PCDHGA4: variants seen among roughly 807,000 people sequenced by gnomAD.
PCDHGA4 encodes the protein protocadherin gamma subfamily A, 4.
PCDHGA4 carries 38 observed loss-of-function variants against 54.6 expected under a neutral mutation model. The ratio of observed to expected loss-of-function variants is 0.70; its 90% CI spans 0.54 to 0.91. The LOEUF (loss-of-function observed/expected upper bound fraction) is 0.91, where lower values mean the gene tolerates loss of function less well. PCDHGA4 is among the 40% of genes least tolerant of loss of function. The probability of loss-of-function intolerance (pLI) is 0.00; values close to 1 mark genes in which losing one functional copy is unlikely to be tolerated. For synonymous variants in PCDHGA4, 511 were observed against 512.9 expected, an observed-to-expected ratio of 1.00 and a Z score of 0.05; for missense variants, 1,298 against 1,220.9, an observed-to-expected ratio of 1.06 and a Z score of -0.94.
At chr5:141,484,478 A>G (rs2099596967) in intron 1 of PCDHGA4, among the ~76,000 whole-genome samples, 1 of 152,244 alleles carries the variant, frequency 6.6e-6, no homozygotes, top group Admixed American at 6.5e-5. Context: ...CTTTTCTGCA[A>G]AGAGATGGAT....
chr5:141,421,860 C>T (rs759779291), intron 1 of PCDHGA4: 1 of 1,613,750 alleles, frequency 6.2e-7, no homozygotes. Flanking sequence ...CTCACCTGCT[C>T]CTCCTCACAG....
intron 1 of PCDHGA4, chr5:141,416,916 T>A (rs751743318): frequency 5.5e-4 from 83 of 152,132 alleles, no homozygotes; most frequent in Non-Finnish European, 8.5e-4. Flanking sequence ...CTCTTTAGGG[T>A]CATAGTTATT....
At chr5:141,370,760 G>C (rs773157241) in intron 1 of PCDHGA4, 3 of 1,613,980 alleles carry the variant, frequency 1.9e-6, no homozygotes, top group Non-Finnish European at 8.5e-7. Context: ...TAACTGTGCT[G>C]ATCCAGGATA....
At chr5:141,428,117 G>T in intron 1 of PCDHGA4, 2 of 1,607,102 alleles carry the variant, frequency 1.2e-6, no homozygotes, top group East Asian at 2.2e-5. Context: ...AGGCCATCGA[G>T]CCCGGGCTTT....
rs2099405848 is a variant in PCDHGA4 at position 141,477,120 on chromosome 5, A to G, written c.2515-17687A>G. 2 of 1,614,118 alleles carry G rather than the reference A, an allele frequency of 1.2e-6. No homozygotes were observed. Among genetic ancestry groups the G allele is most frequent in the African/African-American group, 2.7e-5 (2 of 74,942 alleles). On this transcript the variant is annotated intron_variant, in intron 1 of 3. Transcript: ENST00000571252. This position sits in a 1 kb window ranked among gnomAD's most constrained non-coding sequence, Gnocchi z 4.9. ...AAGGGCGCCAATCCCGAAGGAGCAC[A>G]TTGCAAAGTGTTGGTGGAGGTTGTG...
intron 1 of PCDHGA4, chr5:141,408,869 A>G (rs754873472): frequency 1.9e-6 from 3 of 1,613,572 alleles, no homozygotes; most frequent in African/African-American, 2.7e-5. Flanking sequence ...CCCACCAAGA[A>G]GTGCCACCGC....
chr5:141,380,340 TG>T (rs1383873697), intron 1 of PCDHGA4, among the ~76,000 whole-genome samples: 2 of 152,164 alleles, frequency 1.3e-5, no homozygotes, highest in Non-Finnish European at 2.9e-5. Flanking sequence ...TTCAAAGAAC[TG>T]TTTTGTTGTT....
chr5:141,432,766 C>G lies in PCDHGA4; in HGVS notation c.2515-62041C>G. On this transcript the variant is annotated intron_variant, in intron 1 of 3. Transcript: ENST00000571252. This position sits in a 1 kb window ranked among gnomAD's most constrained non-coding sequence, Gnocchi z 6.0. Reference sequence around the variant, plus strand: ...CCGTGGCCGTGGCCGACAGCATCCCCCAAGTCCTGGCGGACCTCGGCAGCC... The same window carrying G: ...CCGTGGCCGTGGCCGACAGCATCCCGCAAGTCCTGGCGGACCTCGGCAGCC... 6.2e-7 allele frequency: 1 copy of G among 1,614,160 alleles called. No individual in the cohort carries two copies. The highest frequency in any genetic ancestry group is 8.5e-7 in the Non-Finnish European group (1 of 1,179,994).
chr5:141,491,571 C>G lies in PCDHGA4; in HGVS notation c.2515-3236C>G. The G allele has an allele frequency of 6.2e-7, 1 of 1,614,026 alleles. No individual in the cohort carries two copies. The highest frequency in any genetic ancestry group is 8.5e-7 in the Non-Finnish European group (1 of 1,180,042). ...CGCAGAGCCACTGCTACAGGACGTG[C>G]TTTTCACCGGCCTCGGACGGCAGTG... On this transcript the variant is annotated intron_variant, in intron 1 of 3. Transcript: ENST00000571252. This position sits in a 1 kb window ranked among gnomAD's most constrained non-coding sequence, Gnocchi z 6.9.
At chr5:141,430,950 TC>T (rs1353555538) in intron 1 of PCDHGA4, 1 of 1,609,980 alleles carries the variant, frequency 6.2e-7, no homozygotes, top group East Asian at 2.2e-5. Flanking sequence ...GAGCGCGGAG[TC>T]CGCATCATCC....
At chr5:141,498,967 GGGAGGGAA>G (rs1395523211) in intron 2 of PCDHGA4, among the ~76,000 whole-genome samples, 34 of 129,670 alleles carry the variant, frequency 2.6e-4, no homozygotes, top group Admixed American at 1.5e-3. Flanking sequence ...GAGGGAGGGA[GGGAGGGAA>G]GGAAGGAAGG....
chr5:141,383,466 T>G (rs1469908164), intron 1 of PCDHGA4: 1 of 1,613,798 alleles, frequency 6.2e-7, no homozygotes, highest in South Asian at 1.1e-5. Context: ...ACGATGAAAC[T>G]AAGTACCCGG....
intron 1 of PCDHGA4, chr5:141,423,925 T>C (rs17097293): frequency 0.23 from 286,429 of 1,244,544 alleles, 36,355 homozygotes; most frequent in African/African-American, 0.51. Flanking sequence ...ACTATGCTGG[T>C]TTGGTTTGAA....
chr5:141,477,502 C>A lies in PCDHGA4; in HGVS notation c.2515-17305C>A, dbSNP rs2099412065. On this transcript the variant is annotated intron_variant, in intron 1 of 3. Coordinates refer to ENST00000571252, the MANE Select transcript of PCDHGA4 (RefSeq NM_018917.4). This position sits in a 1 kb window ranked among gnomAD's most constrained non-coding sequence, Gnocchi z 4.9. ...CTCCACAATCTTCTCAATCTTCCTA[C>A]GACGTTTACATTGAAGAAAACAACC... The A allele has an allele frequency of 9.3e-6, 15 of 1,614,026 alleles. No homozygotes were observed. The highest frequency in any genetic ancestry group is 1.3e-5 in the Non-Finnish European group (15 of 1,180,026).
rs773893751 is a variant in PCDHGA4 at position 141,431,903 on chromosome 5, G to A, written c.2515-62904G>A. 2 of 1,613,916 alleles carry A rather than the reference G, an allele frequency of 1.2e-6. No individual in the cohort carries two copies. Among genetic ancestry groups the A allele is most frequent in the South Asian group, 2.2e-5 (2 of 91,080 alleles). ...CCAAGATTCTGAGGAAAACGGACAG[G>A]TGATCTGTTTCATCCAAGGAAATCT... On this transcript the variant is annotated intron_variant, in intron 1 of 3. Transcript: ENST00000571252. The surrounding 1 kb of genome is among the most constrained non-coding windows in gnomAD (Gnocchi z 4.8).
chr5:141,414,009 TGGA>T (rs2095701451), intron 1 of PCDHGA4: 2 of 1,612,964 alleles, frequency 1.2e-6, no homozygotes, highest in Middle Eastern at 1.7e-4. Context: ...AAGGTGCCAA[TGGA>T]GAAGTGACAT....
At chr5:141,398,293 T>A in intron 1 of PCDHGA4, 1 of 1,383,344 alleles carries the variant, frequency 7.2e-7, no homozygotes, top group Non-Finnish European at 9.9e-7. Flanking sequence ...GGACCTGGGG[T>A]TCAGCGTCCA....
intron 2 of PCDHGA4, among the ~76,000 whole-genome samples, chr5:141,502,828 G>T (rs928458403): frequency 6.6e-6 from 1 of 150,704 alleles, no homozygotes; most frequent in Non-Finnish European, 1.5e-5. Context: ...CCTTGGGGAA[G>T]CCTGGACTGG....
intron 1 of PCDHGA4, among the ~76,000 whole-genome samples, chr5:141,363,897 C>T (rs925245395): frequency 6.6e-6 from 1 of 152,090 alleles, no homozygotes; most frequent in Admixed American, 6.5e-5. Flanking sequence ...CCCCCGATGA[C>T]GCATTAAATA....
Sources: gnomAD v4.1 joint callset for allele counts (sites outside exome capture counted in the v4.1 genomes callset) on GRCh38, gnomAD v4.1.1 for gene constraint, Gnocchi (gnomAD v3.1) non-coding constraint, MANE v1.5 for transcripts, NCBI Gene and HGNC (gene_info 2026-07-23, HGNC 2026-07-21) for gene names.